MEGF10: variants seen among roughly 807,000 people sequenced by gnomAD.
The protein encoded by MEGF10 is multiple epidermal growth factor-like domains protein 10.
A neutral mutation model predicts 147.5 loss-of-function variants in MEGF10; 86 were observed. The observed-to-expected ratio is 0.58, with a 90% CI of 0.49 to 0.70. The LOEUF is 0.70. MEGF10 is among the 30% of genes least tolerant of loss of function. MEGF10 has a pLI of 0.00. For synonymous variants in MEGF10, 478 were observed against 525.5 expected (o/e 0.91, Z 1.24); for missense variants, 1,329 against 1,487.3 (o/e 0.89, Z 1.75).
the MEGF10 span, among the ~76,000 whole-genome samples, chr5:127,236,138 A>G: frequency 6.6e-6 from 1 of 152,038 alleles, no homozygotes; most frequent in African/African-American, 2.4e-5. Flanking sequence ...ATGCCCAGCT[A>G]ATTTTTGTAT....
intron 5 of MEGF10, among the ~76,000 whole-genome samples, chr5:127,379,692 C>G (rs116078321): frequency 6.6e-6 from 1 of 151,092 alleles, no homozygotes; most frequent in African/African-American, 2.4e-5. Context: ...CCGTGCCTCC[C>G]GGGTTCAAGT....
chr5:127,311,841 G>A (rs747318940), intron 1 of MEGF10, among the ~76,000 whole-genome samples: 1 of 152,144 alleles, frequency 6.6e-6, no homozygotes, highest in Non-Finnish European at 1.5e-5. Context: ...AGAATGCAAC[G>A]TTAAATTCCT....
chr5:127,236,346 T>C, the MEGF10 span, among the ~76,000 whole-genome samples: 26 of 152,286 alleles, frequency 1.7e-4, no homozygotes, highest in South Asian at 1.9e-3. Flanking sequence ...GCCATAACTA[T>C]TGAACTCTGA....
At chr5:127,374,617 T>C (rs571438385) in intron 5 of MEGF10, among the ~76,000 whole-genome samples, 29 of 152,336 alleles carry the variant, frequency 1.9e-4, no homozygotes, top group Non-Finnish European at 3.4e-4. Context: ...CCAACATTCA[T>C]TGGATTCATT....
At chr5:127,282,554 A>G in the MEGF10 span, among the ~76,000 whole-genome samples, 1 of 152,224 alleles carries the variant, frequency 6.6e-6, no homozygotes, top group Non-Finnish European at 1.5e-5. Flanking sequence ...TGTGTCCAGT[A>G]TAGTTTATTG....
At position 127,449,204 on chromosome 5, in the gene MEGF10, G is replaced by A. The variant is rs1371171972; in HGVS notation, c.2962G>A (p.Gly988Ser). 2 of 1,613,186 alleles carry A rather than the reference G, an allele frequency of 1.2e-6. No individual in the cohort carries two copies. The highest frequency in any genetic ancestry group is 1.7e-6 in the Non-Finnish European group (2 of 1,179,494). ...GTLPADWKHG[G>S]YLNELGAFGL... Reference sequence around the variant, plus strand: ...ATTGCCGGCTGACTGGAAACATGGCGGCTACCTCAACGAGCTCGGTGAGTT... The same window carrying A: ...ATTGCCGGCTGACTGGAAACATGGCAGCTACCTCAACGAGCTCGGTGAGTT... The change falls in exon 22 of 25, where the codon GGC (glycine) becomes AGC (serine). Residue 988 changes from glycine (G) to serine (S), a missense_variant. Gly to Ser is a moderately conservative substitution (Grantham distance 56). Around this residue, in one of 3 missense-constraint regions of MEGF10, gnomAD observed 343 missense variants for 377.9 expected, o/e 0.91. Transcript: ENST00000503335.
At chr5:127,447,813 C>G in intron 21 of MEGF10, 129 bp downstream of exon 21, 1 of 1,169,136 alleles carries the variant, frequency 8.6e-7, no homozygotes, top group Non-Finnish European at 1.2e-6. Context: ...ATTTATTCCT[C>G]TAAACAGTCC....
intron 4 of MEGF10, 146 bp downstream of exon 4, chr5:127,340,776 G>T (rs2126800987): frequency 3.2e-6 from 2 of 618,908 alleles, no homozygotes; most frequent in East Asian, 2.8e-5. Flanking sequence ...TCCTTGGCTT[G>T]TGTAATGAAG....
Position 127,440,731 on chromosome 5 carries a change from TC to T in MEGF10, c.2234-5del. The T allele has an allele frequency of 6.2e-7, 1 of 1,613,652 alleles. No homozygotes were observed. Among genetic ancestry groups the T allele is most frequent in the East Asian group, 2.2e-5 (1 of 44,854 alleles). On this transcript the variant is annotated splice_region_variant and splice_polypyrimidine_tract_variant and intron_variant, in intron 17 of 24. Coordinates refer to ENST00000503335, the MANE Select transcript of MEGF10 (RefSeq NM_001256545.2). ...TCTTGACTCCTACTGTCCTCCCTCC[TC>T]CCACAGGATGTCCTCTAGGGTTTTA...
intron 4 of MEGF10, among the ~76,000 whole-genome samples, chr5:127,365,616 C>G (rs1422391810): frequency 6.6e-6 from 1 of 152,196 alleles, no homozygotes; most frequent in Non-Finnish European, 1.5e-5. Flanking sequence ...ATCAGTGTCT[C>G]TTGCCTCCTA....
intron 16 of MEGF10, among the ~76,000 whole-genome samples, chr5:127,437,482 C>G (rs1271796794): frequency 6.6e-6 from 1 of 152,134 alleles, no homozygotes; most frequent in Non-Finnish European, 1.5e-5. Context: ...TATTGATTGT[C>G]TTTATAGGTC....
intron 5 of MEGF10, among the ~76,000 whole-genome samples, chr5:127,392,443 A>G (rs1052785426): frequency 6.6e-6 from 1 of 152,122 alleles, no homozygotes; most frequent in Non-Finnish European, 1.5e-5. Flanking sequence ...TGATGCACCA[A>G]CACTGGTTGG....
intron 4 of MEGF10, among the ~76,000 whole-genome samples, chr5:127,367,890 T>C (rs17684644): frequency 0.016 from 2,440 of 152,254 alleles, 47 homozygotes; most frequent in South Asian, 0.076. Context: ...TGGGAGAGTC[T>C]CCTGTACCCA....
At chr5:127,379,045 A>G (rs545378149) in intron 5 of MEGF10, among the ~76,000 whole-genome samples, 1 of 147,876 alleles carries the variant, frequency 6.8e-6, no homozygotes, top group African/African-American at 2.5e-5. Flanking sequence ...ACTCCACTTC[A>G]TATCATTCAT....
At chr5:127,366,301 C>T (rs370948642) in intron 4 of MEGF10, among the ~76,000 whole-genome samples, 14 of 152,030 alleles carry the variant, frequency 9.2e-5, no homozygotes, top group East Asian at 5.8e-4. Context: ...CCATCTTTGA[C>T]GAGGTTTGTT....
upstream of MEGF10, among the ~76,000 whole-genome samples, chr5:127,286,933 A>T (rs1350485123): frequency 1.3e-5 from 2 of 151,984 alleles, no homozygotes; most frequent in Non-Finnish European, 2.9e-5. Flanking sequence ...CCAACAGTAT[A>T]TCAAATATAT....
At chr5:127,303,359 A>G (rs960853785) in intron 1 of MEGF10, among the ~76,000 whole-genome samples, 1 of 151,628 alleles carries the variant, frequency 6.6e-6, no homozygotes, top group East Asian at 1.9e-4. Flanking sequence ...AAAAAAAGCA[A>G]TAAGGTTGGA....
intron 8 of MEGF10, among the ~76,000 whole-genome samples, chr5:127,404,531 GA>G (rs1169150448): frequency 6.6e-6 from 1 of 152,078 alleles, no homozygotes; most frequent in Non-Finnish European, 1.5e-5. Context: ...TTGCTCTACA[GA>G]AAATTTTTAA....
chr5:127,333,519 T>A (rs3050852), intron 2 of MEGF10, among the ~76,000 whole-genome samples: 4,017 of 34,740 alleles, frequency 0.12, 188 homozygotes, highest in African/African-American at 0.29. Context: ...TCAAAAAAAA[T>A]AAAAATAAAA....
Sources: allele counts gnomAD v4.1 joint callset (sites outside exome capture counted in the v4.1 genomes callset), GRCh38; gene constraint gnomAD v4.1.1; regional missense constraint gnomAD v4.1.1; transcripts MANE v1.5; gene names NCBI Gene and HGNC (gene_info 2026-07-23, HGNC 2026-07-21).